The following FGF12 variants were observed in gnomAD, a reference collection of about 807,000 sequenced individuals.
The protein encoded by FGF12 is fibroblast growth factor 12B.
Under a neutral mutation model 23.6 loss-of-function variants are expected in FGF12, and 14 were observed. The ratio of observed to expected loss-of-function variants is 0.59; its 90% CI spans 0.39 to 0.93. The LOEUF (loss-of-function observed/expected upper bound fraction) is 0.93, where lower values mean the gene tolerates loss of function less well. Ranked by LOEUF, FGF12 falls within the 40% of genes least tolerant of loss-of-function variation. The pLI is 0.00. For synonymous variants in FGF12, 62 were observed against 77.3 expected (o/e 0.80, Z 1.04); for missense variants, 175 against 217.8 (o/e 0.80, Z 1.24).
intron 2 of FGF12, among the ~76,000 whole-genome samples, chr3:192,676,726 A>G (rs1273110794): frequency 6.6e-6 from 1 of 152,198 alleles, no homozygotes; most frequent in Admixed American, 6.5e-5. Flanking sequence ...TTTACATGCA[A>G]ATATACACAC....
At chr3:192,714,955 T>C (rs978832251) in intron 2 of FGF12, among the ~76,000 whole-genome samples, 2 of 152,232 alleles carry the variant, frequency 1.3e-5, no homozygotes, top group African/African-American at 4.8e-5. Context: ...ATGAAACTCA[T>C]TGTTCCATTA....
At chr3:192,524,921 C>A (rs1488415893) in intron 2 of FGF12, among the ~76,000 whole-genome samples, 1 of 152,066 alleles carries the variant, frequency 6.6e-6, no homozygotes, top group Non-Finnish European at 1.5e-5. Flanking sequence ...CAAGGCTATT[C>A]CAGATAAAAT....
intron 4 of FGF12, among the ~76,000 whole-genome samples, chr3:192,175,374 A>C (rs1327729142): frequency 6.6e-6 from 1 of 151,814 alleles, no homozygotes; most frequent in Non-Finnish European, 1.5e-5. Context: ...AGTTCAATGT[A>C]GGCATCAGAG....
chr3:192,666,776 C>A (rs1716885981), intron 2 of FGF12, among the ~76,000 whole-genome samples: 1 of 152,180 alleles, frequency 6.6e-6, no homozygotes. Context: ...ATAATAAGCT[C>A]ACTTCAATCT....
In FGF12 at chr3:192,142,683, A is replaced by G. The variant is rs1449815156; in HGVS notation, c.*1326T>C. Reference sequence around the variant, plus strand: ...TCTTTTTTGCTCCTTTCAGCTGCTCACACAATCCTGTCTGTTGGAGTCATA... The same window carrying G: ...TCTTTTTTGCTCCTTTCAGCTGCTCGCACAATCCTGTCTGTTGGAGTCATA... On this transcript the variant is annotated 3_prime_UTR_variant, in exon 6 of 6. Coordinates refer to ENST00000445105, the MANE Select transcript of FGF12 (RefSeq NM_004113.6). 6.6e-6 allele frequency: 1 copy of G among 152,070 alleles called. No individual in the cohort carries two copies. The highest frequency in any genetic ancestry group is 1.5e-5 in the Non-Finnish European group (1 of 67,978). 9.4% of individuals were successfully genotyped at this position (152,070 alleles called of 1,614,324 possible).
intron 2 of FGF12, among the ~76,000 whole-genome samples, chr3:192,631,312 T>C (rs1254980770): frequency 6.6e-6 from 1 of 152,206 alleles, no homozygotes; most frequent in African/African-American, 2.4e-5. Flanking sequence ...TGAGACTAAC[T>C]GTGTCCTCAC....
intron 2 of FGF12, among the ~76,000 whole-genome samples, chr3:192,576,766 T>G (rs549960446): frequency 6.6e-6 from 1 of 152,282 alleles, no homozygotes; most frequent in Non-Finnish European, 1.5e-5. Flanking sequence ...ATCATGTTTA[T>G]TGCGGCACTA....
intron 2 of FGF12, among the ~76,000 whole-genome samples, chr3:192,452,098 C>T (rs1202903624): frequency 6.6e-6 from 1 of 151,970 alleles, no homozygotes. Context: ...AGAAAAGCAT[C>T]GATATTTAAC....
chr3:192,383,311 T>G (rs1381819338), intron 2 of FGF12, among the ~76,000 whole-genome samples: 1 of 152,226 alleles, frequency 6.6e-6, no homozygotes, highest in Admixed American at 6.5e-5. Context: ...ATGGGGAGGC[T>G]GCACATGCTA....
At chr3:192,179,377 C>G (rs767175789) in intron 4 of FGF12, among the ~76,000 whole-genome samples, 4 of 152,140 alleles carry the variant, frequency 2.6e-5, no homozygotes, top group Admixed American at 6.5e-5. Flanking sequence ...TTTATACCAT[C>G]ATAAAATAAT....
At chr3:192,664,418 C>T (rs186166325) in intron 2 of FGF12, among the ~76,000 whole-genome samples, 4 of 151,816 alleles carry the variant, frequency 2.6e-5, no homozygotes, top group Non-Finnish European at 5.9e-5. Flanking sequence ...AAACTACCAC[C>T]AGCATTACTT....
chr3:192,701,266 C>A (rs1055822780), intron 2 of FGF12, among the ~76,000 whole-genome samples: 1 of 152,154 alleles, frequency 6.6e-6, no homozygotes, highest in South Asian at 2.1e-4. Context: ...GTTGTCCTGT[C>A]TTTCCAGATG....
intron 2 of FGF12, among the ~76,000 whole-genome samples, chr3:192,445,231 T>C (rs1253404438): frequency 6.6e-6 from 1 of 152,188 alleles, no homozygotes. Context: ...TACTTTTTTG[T>C]TGTAAGTGCA....
At chr3:192,481,798 T>C (rs969476527) in intron 2 of FGF12, among the ~76,000 whole-genome samples, 2 of 152,208 alleles carry the variant, frequency 1.3e-5, no homozygotes, top group Admixed American at 6.6e-5. Context: ...CGTTATCCCC[T>C]GGTGTTTAAG....
intron 2 of FGF12, among the ~76,000 whole-genome samples, chr3:192,378,325 G>A (rs757547341): frequency 6.0e-5 from 9 of 149,606 alleles, no homozygotes; most frequent in Non-Finnish European, 1.3e-4. Flanking sequence ...TGCCCAGGCT[G>A]GTCTTGAACT....
chr3:192,681,401 A>C (rs1194874167), intron 2 of FGF12, among the ~76,000 whole-genome samples: 4 of 152,216 alleles, frequency 2.6e-5, no homozygotes, highest in Non-Finnish European at 4.4e-5. Flanking sequence ...AGGAGAAGAC[A>C]AAGAGCTCAG....
At chr3:192,288,210 T>G (rs1489409141) in intron 4 of FGF12, among the ~76,000 whole-genome samples, 1 of 152,064 alleles carries the variant, frequency 6.6e-6, no homozygotes, top group East Asian at 1.9e-4. Flanking sequence ...GTGACAAAGA[T>G]GCGTCATTCA....
At chr3:192,578,087 T>A (rs550804872) in intron 2 of FGF12, among the ~76,000 whole-genome samples, 1 of 152,330 alleles carries the variant, frequency 6.6e-6, no homozygotes. Flanking sequence ...AATCGTGTTC[T>A]CTATGGCAAC....
chr3:192,687,514 C>G (rs1717789619), intron 2 of FGF12, among the ~76,000 whole-genome samples: 1 of 152,122 alleles, frequency 6.6e-6, no homozygotes, highest in African/African-American at 2.4e-5. Flanking sequence ...TAGTCAAAGT[C>G]AGAATTGGGT....
Sources: allele counts gnomAD v4.1 joint callset (sites outside exome capture counted in the v4.1 genomes callset), GRCh38; gene constraint gnomAD v4.1.1; transcripts MANE v1.5; gene names NCBI Gene and HGNC (gene_info 2026-07-23, HGNC 2026-07-21).